The following TMEM132D variants were observed in gnomAD, a reference collection of about 807,000 sequenced individuals.
The protein encoded by TMEM132D is mature OL transmembrane protein.
In TMEM132D, 21 loss-of-function variants were observed where a neutral mutation model predicts 62.3. That is an observed-to-expected ratio of 0.34 (90% CI 0.24 to 0.49). TMEM132D has a LOEUF of 0.49. Among genes scored for constraint, TMEM132D ranks in the 20% least tolerant of loss-of-function variants. The probability of loss-of-function intolerance (pLI) is 0.99; values close to 1 mark genes in which losing one functional copy is unlikely to be tolerated. For missense variants in TMEM132D, 1,346 were observed against 1,402.8 expected (o/e 0.96, Z 0.65); for synonymous variants, 621 against 575.6 (o/e 1.08, Z -1.13).
chr12:129,354,315 G>GTATATATATATATATATATATA (rs35875993), intron 3 of TMEM132D, among the ~76,000 whole-genome samples: 26 of 148,028 alleles, frequency 1.8e-4, no homozygotes, highest in African/African-American at 6.3e-4. Flanking sequence ...ACTTTATTGG[G>GTATATATATATATATATATATA]TATATATATA....
chr12:129,770,180 G>A (rs1363563008), intron 1 of TMEM132D, among the ~76,000 whole-genome samples: 1 of 101,676 alleles, frequency 9.8e-6, no homozygotes, highest in Non-Finnish European at 1.8e-5. Context: ...ATCTTTCTCT[G>A]TCACTCAGGC....
At chr12:129,511,476 G>A (rs948272065) in intron 3 of TMEM132D, among the ~76,000 whole-genome samples, 4 of 152,310 alleles carry the variant, frequency 2.6e-5, no homozygotes, top group Middle Eastern at 6.8e-3. Flanking sequence ...CTATGAATGT[G>A]CAAGTATAAG....
intron 1 of TMEM132D, among the ~76,000 whole-genome samples, chr12:129,831,954 C>T (rs1252885222): frequency 4.1e-5 from 6 of 147,598 alleles, no homozygotes; most frequent in South Asian, 2.1e-4. Context: ...ACTGCAATCT[C>T]CACCTCCCGG....
At chr12:129,418,615 G>T (rs1317041400) in intron 3 of TMEM132D, among the ~76,000 whole-genome samples, 1 of 151,970 alleles carries the variant, frequency 6.6e-6, no homozygotes, top group Non-Finnish European at 1.5e-5. Flanking sequence ...ATGCATGTGG[G>T]GCTTAAAACC....
intron 4 of TMEM132D, among the ~76,000 whole-genome samples, chr12:129,265,541 G>C (rs1225534237): frequency 1.3e-5 from 2 of 152,060 alleles, no homozygotes; most frequent in Non-Finnish European, 2.9e-5. Context: ...GGTAAGCCCC[G>C]GTGTCCCTCC....
intron 2 of TMEM132D, among the ~76,000 whole-genome samples, chr12:129,550,704 G>A (rs1233284355): frequency 6.6e-6 from 1 of 152,104 alleles, no homozygotes; most frequent in Non-Finnish European, 1.5e-5. Context: ...AAACAAGAAG[G>A]GACAGCTTGT....
intron 3 of TMEM132D, among the ~76,000 whole-genome samples, chr12:129,399,638 T>C: frequency 1.1e-5 from 1 of 91,056 alleles, no homozygotes. Context: ...TGAGGACGTC[T>C]CAAAAAAAAA....
Position 129,700,154 on chromosome 12 carries a change from C to A in TMEM132D, c.624G>T (p.Val208=), listed in dbSNP as rs1455507112. Residue 208 remains valine (V), a synonymous_variant, in exon 2 of 9, where the codon GTG becomes GTT. Transcript: ENST00000422113. The part of the protein sequence containing the change: ...LLSSWFSPPT[V]VAGRRKSVDQ... ...CCACGGACTTCCTCCTCCCGGCAAC[C>A]ACCGTGGGGGGGCTGAACCAGCTGG... 6.2e-7 allele frequency: 1 copy of A among 1,613,066 alleles called. No individual in the cohort carries two copies. Among genetic ancestry groups the A allele is most frequent in the Non-Finnish European group, 8.5e-7 (1 of 1,180,032 alleles).
At chr12:129,362,962 C>G (rs961800466) in intron 3 of TMEM132D, among the ~76,000 whole-genome samples, 13 of 152,170 alleles carry the variant, frequency 8.5e-5, no homozygotes, top group Admixed American at 2.0e-4. Context: ...ACAGCATTTC[C>G]CAGTTGACTT....
chr12:129,693,053 ACT>A, intron 2 of TMEM132D, among the ~76,000 whole-genome samples: 3 of 152,182 alleles, frequency 2.0e-5, no homozygotes, highest in African/African-American at 7.2e-5. Context: ...TAAAGAAAAA[ACT>A]CTTAGCAAAC....
At chr12:129,581,700 G>T (rs541222471) in intron 2 of TMEM132D, among the ~76,000 whole-genome samples, 1 of 152,262 alleles carries the variant, frequency 6.6e-6, no homozygotes, top group East Asian at 1.9e-4. Context: ...TGATTGGATG[G>T]TGTCACCCAG....
At chr12:129,162,470 A>G (rs142739033) in intron 5 of TMEM132D, among the ~76,000 whole-genome samples, 1 of 152,352 alleles carries the variant, frequency 6.6e-6, no homozygotes, top group Non-Finnish European at 1.5e-5. Context: ...AAGTAAAGTG[A>G]GCATTAATAT....
chr12:129,153,285 C>T (rs1182580669), intron 5 of TMEM132D, among the ~76,000 whole-genome samples: 2 of 152,162 alleles, frequency 1.3e-5, no homozygotes, highest in African/African-American at 4.8e-5. Flanking sequence ...GAGAGCTATG[C>T]CTGTGGTTCT....
chr12:129,172,706 G>A (rs897556067), intron 5 of TMEM132D, among the ~76,000 whole-genome samples: 2 of 152,196 alleles, frequency 1.3e-5, no homozygotes, highest in Non-Finnish European at 2.9e-5. Flanking sequence ...AGCCTCCTGA[G>A]TAGCTGGGAT....
At chr12:129,792,151 C>T (rs1045061515) in intron 1 of TMEM132D, among the ~76,000 whole-genome samples, 13 of 152,208 alleles carry the variant, frequency 8.5e-5, no homozygotes, top group African/African-American at 2.9e-4. Context: ...GAACATCCCA[C>T]TGTCAACGAT....
intron 3 of TMEM132D, among the ~76,000 whole-genome samples, chr12:129,407,309 A>G (rs1871820938): frequency 6.6e-6 from 1 of 152,180 alleles, no homozygotes; most frequent in Non-Finnish European, 1.5e-5. Flanking sequence ...TTAAAATACA[A>G]CACAACACTT....
At chr12:129,399,467 T>C (rs900134489) in intron 3 of TMEM132D, among the ~76,000 whole-genome samples, 3 of 25,308 alleles carry the variant, frequency 1.2e-4, no homozygotes, top group Non-Finnish European at 2.6e-4. Context: ...ACTCCTGAAA[T>C]AACTGCATTA....
At chr12:129,670,440 C>T (rs1880475934) in intron 2 of TMEM132D, among the ~76,000 whole-genome samples, 1 of 152,100 alleles carries the variant, frequency 6.6e-6, no homozygotes, top group African/African-American at 2.4e-5. Context: ...CGTGATGAGT[C>T]AGCTGGCACC....
intron 1 of TMEM132D, among the ~76,000 whole-genome samples, chr12:129,764,504 G>A (rs188867983): frequency 1.5e-3 from 234 of 152,188 alleles, no homozygotes; most frequent in Middle Eastern, 3.4e-3. Context: ...GTAACAACCA[G>A]TTTCTGAGAA....
Sources: allele counts gnomAD v4.1 joint callset (sites outside exome capture counted in the v4.1 genomes callset), GRCh38; gene constraint gnomAD v4.1.1; transcripts MANE v1.5; gene names NCBI Gene and HGNC (gene_info 2026-07-23, HGNC 2026-07-21).